FLNB: variants seen among roughly 807,000 people sequenced by gnomAD.
FLNB encodes filamin-B.
In FLNB, 111 loss-of-function variants were observed where a neutral mutation model predicts 250.6. That is an observed-to-expected ratio of 0.44 (90% CI 0.38 to 0.52). The LOEUF (loss-of-function observed/expected upper bound fraction) is 0.52, where lower values mean the gene tolerates loss of function less well. FLNB is among the 20% of genes least tolerant of loss of function. FLNB has a pLI of 0.00. For missense variants in FLNB, 2,869 were observed against 3,447.8 expected (o/e 0.83, Z 4.20); for synonymous variants, 1,302 against 1,372.1 (o/e 0.95, Z 1.13).
At chr3:58,087,746 A>T (rs987655357) in intron 4 of FLNB, among the ~76,000 whole-genome samples, 1 of 149,596 alleles carries the variant, frequency 6.7e-6, no homozygotes, top group African/African-American at 2.5e-5. Context: ...CACTGCGCCC[A>T]GCCTTTTTTT....
At chr3:58,088,323 C>T (rs1360894013) in intron 4 of FLNB, among the ~76,000 whole-genome samples, 3 of 152,196 alleles carry the variant, frequency 2.0e-5, no homozygotes, top group African/African-American at 7.2e-5. Context: ...GCTGGAATTA[C>T]AGGTGTGAGC....
rs185132238 is a variant in FLNB at position 58,102,513 on chromosome 3, C to T, written c.1483+173C>T. ...GACGGCAGTGATTGATTAGTAATGT[C>T]TGCCCTGGATGCGGCCAGTGGGTGG... On this transcript the variant is annotated intron_variant, in intron 9 of 45. Transcript: ENST00000295956. Among the ~76,000 whole-genome samples, 23 of 152,336 alleles carry T rather than the reference C, an allele frequency of 1.5e-4. No homozygotes were observed. In the East Asian group the frequency reaches 3.7e-3, roughly 24 times the overall value.
rs374308619 is a variant in FLNB, at chr3:58,147,024, C to T, written c.5728+31C>T. The T allele has an allele frequency of 3.2e-5, 51 of 1,611,536 alleles. No individual in the cohort carries two copies. The African/African-American group carries it at 3.6e-4, about 11-fold the overall frequency. On this transcript the variant is annotated intron_variant, in intron 34 of 45. Transcript: ENST00000295956. ...GTTGTCTGGCTTCTGGGGTCTTCCTCGTGGGAAGTATGGCTGCCTCTGACT... is the reference window on the plus strand; with the variant it reads ...GTTGTCTGGCTTCTGGGGTCTTCCTTGTGGGAAGTATGGCTGCCTCTGACT...
chr3:58,079,531 G>A (rs921442456), intron 3 of FLNB, among the ~76,000 whole-genome samples: 6 of 152,188 alleles, frequency 3.9e-5, no homozygotes, highest in African/African-American at 9.7e-5. Context: ...GATTACAGGC[G>A]TGAGCCACTG....
At chr3:58,113,424 G>A (rs1006983672) in intron 18 of FLNB, among the ~76,000 whole-genome samples, 7 of 152,228 alleles carry the variant, frequency 4.6e-5, no homozygotes, top group Non-Finnish European at 1.0e-4. Flanking sequence ...CCTTGCTCCC[G>A]TCTGGGTCCT....
chr3:58,078,353 T>G (rs1480175845), intron 2 of FLNB: 2 of 1,486,536 alleles, frequency 1.3e-6, no homozygotes, highest in Non-Finnish European at 1.8e-6. Flanking sequence ...CAGGATGCTA[T>G]TCTAGACTTT....
chr3:58,067,771 C>A (rs1576662389), intron 1 of FLNB, among the ~76,000 whole-genome samples: 1 of 152,022 alleles, frequency 6.6e-6, no homozygotes, highest in Admixed American at 6.6e-5. Flanking sequence ...TAATTTTTTG[C>A]ATTTTTTAAT....
At chr3:58,037,772 G>GT (rs556194127) in intron 1 of FLNB, among the ~76,000 whole-genome samples, 4 of 151,684 alleles carry the variant, frequency 2.6e-5, no homozygotes, top group African/African-American at 7.2e-5. Context: ...TTTTGTGAAT[G>GT]TTTTTTTTCT....
At chr3:58,065,288 C>T (rs2097183925) in intron 1 of FLNB, among the ~76,000 whole-genome samples, 1 of 152,224 alleles carries the variant, frequency 6.6e-6, no homozygotes, top group Non-Finnish European at 1.5e-5. Flanking sequence ...CCAAGCACAG[C>T]ATGTGTGTGG....
intron 4 of FLNB, among the ~76,000 whole-genome samples, chr3:58,082,915 A>G (rs747295714): frequency 1.3e-5 from 2 of 152,164 alleles, no homozygotes; most frequent in Non-Finnish European, 2.9e-5. Context: ...GTGTGTTTGC[A>G]TATGTGTTCA....
rs539596217 is a variant in FLNB at position 58,126,902 on chromosome 3, A to G, written c.4222+140A>G. 7.6e-5 allele frequency: 59 copies of G among 773,626 alleles called. 1 individual carries two copies. In the South Asian group the frequency reaches 8.8e-4, roughly 12 times the overall value. The allele number at this position is 773,626 out of a possible 1,614,324, so 47.9% of individuals were successfully genotyped here. ...AAAGGAGAGTTTTTCTTAGGGCTAC[A>G]TCTCCAAGATTATCTCAACTCCCAG... On this transcript the variant is annotated intron_variant, in intron 24 of 45. Coordinates refer to ENST00000295956, the MANE Select transcript of FLNB (RefSeq NM_001457.4).
chr3:58,039,869 G>A (rs1441814604), intron 1 of FLNB, among the ~76,000 whole-genome samples: 1 of 152,184 alleles, frequency 6.6e-6, no homozygotes, highest in African/African-American at 2.4e-5. Flanking sequence ...CCAGGGCAGG[G>A]TGTGGTGGCT....
intron 1 of FLNB, among the ~76,000 whole-genome samples, chr3:58,055,881 A>G (rs921510938): frequency 6.6e-6 from 1 of 152,118 alleles, no homozygotes; most frequent in Non-Finnish European, 1.5e-5. Context: ...ATGTGTAATA[A>G]CAAGATCTAA....
chr3:58,064,893 G>A (rs2686639), intron 1 of FLNB, among the ~76,000 whole-genome samples: 83,905 of 151,928 alleles, frequency 0.55, 26,438 homozygotes, highest in African/African-American at 0.87. Context: ...CACACACACT[G>A]GCTAGGCGTG....
At chr3:58,043,329 T>A (rs1207175948) in intron 1 of FLNB, among the ~76,000 whole-genome samples, 2 of 151,964 alleles carry the variant, frequency 1.3e-5, no homozygotes, top group Non-Finnish European at 2.9e-5. Flanking sequence ...GAGACAGGAT[T>A]TCATCATGTT....
At chr3:58,096,467 A>G (rs887654846) in intron 6 of FLNB, among the ~76,000 whole-genome samples, 1 of 152,078 alleles carries the variant, frequency 6.6e-6, no homozygotes, top group African/African-American at 2.4e-5. Context: ...GTGTGTCTGG[A>G]GTGTAGATGC....
intron 1 of FLNB, among the ~76,000 whole-genome samples, chr3:58,017,413 G>T (rs9850521): frequency 6.6e-6 from 1 of 152,080 alleles, no homozygotes; most frequent in African/African-American, 2.4e-5. Context: ...ATCACACCTG[G>T]ATAATTTTTT....
chr3:58,075,162 A>G (rs1180155139), intron 1 of FLNB, among the ~76,000 whole-genome samples: 4 of 151,906 alleles, frequency 2.6e-5, no homozygotes, highest in African/African-American at 7.3e-5. Context: ...GTTGGGTTTC[A>G]TTAAGTGTAA....
intron 1 of FLNB, among the ~76,000 whole-genome samples, chr3:58,075,996 A>G (rs1027208208): frequency 2.1e-4 from 32 of 152,150 alleles, no homozygotes; most frequent in African/African-American, 7.7e-4. Context: ...GGCCAGGGGC[A>G]TGGCATGGCA....
Sources: gnomAD v4.1 joint callset for allele counts (sites outside exome capture counted in the v4.1 genomes callset) on GRCh38, gnomAD v4.1.1 for gene constraint, MANE v1.5 for transcripts, NCBI Gene and HGNC (gene_info 2026-07-23, HGNC 2026-07-21) for gene names.